GPC6: variants seen among roughly 807,000 people sequenced by gnomAD.
GPC6 encodes the protein glypican-6.
A neutral mutation model predicts 55.2 loss-of-function variants in GPC6; 14 were observed. The ratio of observed to expected loss-of-function variants is 0.25; its 90% CI spans 0.17 to 0.40. The LOEUF is 0.40. GPC6 is among the 10% of genes least tolerant of loss of function. The pLI, the probability that GPC6 is intolerant of heterozygous loss-of-function variation, is 1.00. For missense variants in GPC6, 641 were observed against 708.5 expected, an observed-to-expected ratio of 0.90 and a Z score of 1.08; for synonymous variants, 278 against 259.6, an observed-to-expected ratio of 1.07 and a Z score of -0.68.
At chr13:94,380,467 T>C (rs1404574601) in intron 6 of GPC6, among the ~76,000 whole-genome samples, 1 of 152,166 alleles carries the variant, frequency 6.6e-6, no homozygotes, top group Non-Finnish European at 1.5e-5. Context: ...TAACTGAAAA[T>C]TGCATTTTTT....
Position 94,105,361 on chromosome 13 carries a change from T to C in GPC6, c.877+77467T>C, listed in dbSNP as rs199833675. Among the ~76,000 whole-genome samples the C allele has an allele frequency of 1.7e-4, 5 of 30,296 alleles. 2 individuals carry two copies. Among genetic ancestry groups the C allele is most frequent in the African/African-American group, 6.0e-4 (4 of 6,700 alleles). The allele number at this position is 30,296 out of a possible 152,430, so 19.9% of individuals were successfully genotyped here. A position where few individuals can be genotyped will look rare whatever the true frequency, so the allele number is the denominator to read the frequency against. On this transcript the variant is annotated intron_variant, in intron 4 of 8. Coordinates refer to ENST00000377047, the MANE Select transcript of GPC6 (RefSeq NM_005708.5). ...ACAATAGAGCAAATAGAGCAAAATA[T>C]CCTGTTTCAAATAAAAGGATAGAAT...
At chr13:93,624,320 G>T (rs564307355) in intron 2 of GPC6, among the ~76,000 whole-genome samples, 1 of 152,112 alleles carries the variant, frequency 6.6e-6, no homozygotes, top group Non-Finnish European at 1.5e-5. Context: ...CATCTCACAG[G>T]AATGAACAGA....
At chr13:93,802,387 C>T (rs1886403371) in intron 2 of GPC6, among the ~76,000 whole-genome samples, 1 of 147,934 alleles carries the variant, frequency 6.8e-6, no homozygotes, top group Admixed American at 6.8e-5. Flanking sequence ...CAAAATAAAG[C>T]ACACACAAAA....
intron 3 of GPC6, 46 bp from the exon 4 acceptor site, chr13:94,027,683 A>G (rs1882953671): frequency 6.4e-7 from 1 of 1,572,644 alleles, no homozygotes; most frequent in Admixed American, 1.7e-5. Flanking sequence ...CCTCCTCTTT[A>G]TCCTTCTTAT....
chr13:93,421,567 G>A (rs1399359167), intron 1 of GPC6, among the ~76,000 whole-genome samples: 1 of 152,092 alleles, frequency 6.6e-6, no homozygotes, highest in Admixed American at 6.6e-5. Flanking sequence ...CCCTCACACT[G>A]TTTAAAACCA....
At chr13:93,524,106 C>A (rs76606261) in intron 1 of GPC6, among the ~76,000 whole-genome samples, 177 of 152,018 alleles carry the variant, frequency 1.2e-3, no homozygotes, top group African/African-American at 4.1e-3. Context: ...GGCTGTGTGA[C>A]CTTGAACCTG....
intron 4 of GPC6, among the ~76,000 whole-genome samples, chr13:94,282,920 G>C (rs1195710076): frequency 6.6e-6 from 1 of 152,228 alleles, no homozygotes; most frequent in Non-Finnish European, 1.5e-5. Flanking sequence ...ACCTCTCCGT[G>C]AAAAGAGTGT....
rs376430922 is a variant in GPC6 at position 93,623,393 on chromosome 13, G to T, written c.319+77972G>T. 2.6e-4 allele frequency among the ~76,000 whole-genome samples: 39 copies of T among 150,784 alleles called. 1 individual carries two copies. The highest frequency in any genetic ancestry group is 8.0e-4 in the African/African-American group (33 of 41,106). On this transcript the variant is annotated intron_variant, in intron 2 of 8. Transcript: ENST00000377047. The stretch of plus-strand genomic sequence containing the variant: ...GCTGGACTAATTTACACTCCCACTC[G>T]TGTGTAAGTGTTCCCTTTTCTCTAC...
At chr13:93,726,612 T>C (rs1240327643) in intron 2 of GPC6, among the ~76,000 whole-genome samples, 1 of 152,150 alleles carries the variant, frequency 6.6e-6, no homozygotes, top group East Asian at 1.9e-4. Context: ...AAACCTGTTT[T>C]AGTTCCTTGG....
At chr13:93,867,133 C>A (rs1888989104) in intron 3 of GPC6, among the ~76,000 whole-genome samples, 1 of 151,574 alleles carries the variant, frequency 6.6e-6, no homozygotes, top group South Asian at 2.1e-4. Context: ...ATTTCATTTA[C>A]ATGGAATAGT....
intron 4 of GPC6, among the ~76,000 whole-genome samples, chr13:94,083,198 A>G (rs1477631089): frequency 2.0e-5 from 3 of 152,048 alleles, no homozygotes; most frequent in African/African-American, 7.2e-5. Flanking sequence ...GGGTCACTGC[A>G]AGCTCTGCCT....
chr13:93,309,636 G>T (rs1433755619), intron 1 of GPC6, among the ~76,000 whole-genome samples: 1 of 151,918 alleles, frequency 6.6e-6, no homozygotes. Flanking sequence ...ATTAACTTGG[G>T]AAAAACATAC....
At chr13:93,892,980 AGCATTTAAT>A (rs77229409) in intron 3 of GPC6, among the ~76,000 whole-genome samples, 37,554 of 151,984 alleles carry the variant, frequency 0.25, 4,992 homozygotes, top group East Asian at 0.34. Flanking sequence ...GCTGTTAAAA[AGCATTTAAT>A]GCATATTGTC....
chr13:93,866,138 G>T (rs1888958093), intron 3 of GPC6, among the ~76,000 whole-genome samples: 1 of 151,682 alleles, frequency 6.6e-6, no homozygotes, highest in Non-Finnish European at 1.5e-5. Context: ...ATTCACTGTA[G>T]CATTCTTCTG....
In GPC6 at chr13:94,105,773, G is replaced by A. The variant is rs1180720342; in HGVS notation, c.877+77879G>A. Among the ~76,000 whole-genome samples the A allele has an allele frequency of 3.9e-5, 6 of 152,192 alleles. No homozygotes were observed. In the South Asian group the frequency reaches 1.2e-3, roughly 31 times the overall value. ...TGGAGGGCAAGAGAGGAGATCATTT[G>A]GAATGGTGAATCTTTACCGGGACAG... On this transcript the variant is annotated intron_variant, in intron 4 of 8. Transcript: ENST00000377047.
intron 4 of GPC6, among the ~76,000 whole-genome samples, chr13:94,157,414 G>A (rs1887990856): frequency 6.6e-6 from 1 of 152,116 alleles, no homozygotes; most frequent in African/African-American, 2.4e-5. Context: ...AAACCTTCGT[G>A]ATAGGAGTCA....
intron 3 of GPC6, among the ~76,000 whole-genome samples, chr13:94,002,116 T>C (rs1473536890): frequency 1.3e-5 from 2 of 151,964 alleles, no homozygotes; most frequent in Non-Finnish European, 2.9e-5. Context: ...TCCTGAGTTG[T>C]AAAGGTGACA....
intron 3 of GPC6, among the ~76,000 whole-genome samples, chr13:93,879,837 G>A (rs1874846276): frequency 6.6e-6 from 1 of 151,986 alleles, no homozygotes; most frequent in Non-Finnish European, 1.5e-5. Flanking sequence ...CTAATATCCA[G>A]AATCTACAAT....
intron 1 of GPC6, among the ~76,000 whole-genome samples, chr13:93,270,515 C>T (rs56299935): frequency 0.016 from 2,463 of 151,812 alleles, 67 homozygotes; most frequent in African/African-American, 0.058. Context: ...TTCTGTATAC[C>T]TGGAACATGT....
Sources: gnomAD v4.1 joint callset for allele counts (sites outside exome capture counted in the v4.1 genomes callset) on GRCh38, gnomAD v4.1.1 for gene constraint, MANE v1.5 for transcripts, NCBI Gene and HGNC (gene_info 2026-07-23, HGNC 2026-07-21) for gene names.